Variants in COMMD1 observed in about 807,000 individuals in gnomAD.
COMMD1 encodes the protein copper metabolism domain containing 1.
A neutral mutation model predicts 17.2 loss-of-function variants in COMMD1; 10 were observed. That is an observed-to-expected ratio of 0.58 (90% CI 0.36 to 0.99). COMMD1 has a LOEUF of 0.99. Among genes scored for constraint, COMMD1 ranks in the 50% least tolerant of loss-of-function variants. The pLI, the probability that COMMD1 is intolerant of heterozygous loss-of-function variation, is 0.01. For missense variants in COMMD1, 270 were observed against 231.8 expected (o/e 1.17, Z -1.07); for synonymous variants, 97 against 91.6 (o/e 1.06, Z -0.34).
intron 2 of COMMD1, among the ~76,000 whole-genome samples, chr2:62,064,380 G>A (rs546601796): frequency 6.6e-6 from 1 of 152,106 alleles, no homozygotes; most frequent in East Asian, 1.9e-4. Flanking sequence ...CACCATTTTG[G>A]CCAGGCTGGT....
At chr2:61,975,930 T>A (rs942069294) in intron 1 of COMMD1, among the ~76,000 whole-genome samples, 1 of 152,170 alleles carries the variant, frequency 6.6e-6, no homozygotes, top group Admixed American at 6.5e-5. Context: ...TTGAGAAGAA[T>A]GCATCTTCTG....
chr2:62,085,811 C>G (rs1671649193), intron 2 of COMMD1, among the ~76,000 whole-genome samples: 1 of 151,150 alleles, frequency 6.6e-6, no homozygotes. Context: ...AACCCCGTCT[C>G]TACTAAAAAA....
intron 1 of COMMD1, among the ~76,000 whole-genome samples, chr2:61,944,325 ATC>A (rs1670848101): frequency 1.3e-5 from 2 of 152,050 alleles, no homozygotes; most frequent in South Asian, 4.2e-4. Flanking sequence ...GGTGGCACAC[ATC>A]TGTAGTCCCA....
chr2:62,055,802 C>T (rs963178878), intron 2 of COMMD1, among the ~76,000 whole-genome samples: 3 of 152,172 alleles, frequency 2.0e-5, no homozygotes, highest in Non-Finnish European at 2.9e-5. Flanking sequence ...TCTCAGCTAG[C>T]ACCATAAGTA....
chr2:62,122,448 T>TC (rs1335586507), intron 2 of COMMD1, among the ~76,000 whole-genome samples: 2 of 151,264 alleles, frequency 1.3e-5, no homozygotes, highest in African/African-American at 2.4e-5. Flanking sequence ...TCTTTTCTTT[T>TC]TTTTTTTTTT....
At chr2:62,052,516 C>T (rs899623981) in intron 2 of COMMD1, among the ~76,000 whole-genome samples, 5 of 152,064 alleles carry the variant, frequency 3.3e-5, no homozygotes, top group Non-Finnish European at 7.4e-5. Flanking sequence ...ATATCCACAT[C>T]ACACATCAGG....
intron 1 of COMMD1, among the ~76,000 whole-genome samples, chr2:61,945,715 A>G (rs1202490521): frequency 6.6e-6 from 1 of 152,208 alleles, no homozygotes; most frequent in East Asian, 1.9e-4. Context: ...ATCAATCAAT[A>G]TATGTAAGAT....
chr2:61,912,038 C>G (rs980915710), intron 1 of COMMD1, among the ~76,000 whole-genome samples: 2 of 152,174 alleles, frequency 1.3e-5, no homozygotes, highest in Non-Finnish European at 2.9e-5. Context: ...TATAAAGACC[C>G]TCATTCTTCC....
intron 2 of COMMD1, among the ~76,000 whole-genome samples, chr2:62,073,513 G>T (rs1441764117): frequency 6.6e-6 from 1 of 152,138 alleles, no homozygotes; most frequent in African/African-American, 2.4e-5. Context: ...CCCATGACTT[G>T]TAAGCCCTTA....
intron 2 of COMMD1, among the ~76,000 whole-genome samples, chr2:62,021,753 C>T (rs1378016574): frequency 6.6e-6 from 1 of 152,144 alleles, no homozygotes; most frequent in Non-Finnish European, 1.5e-5. Flanking sequence ...TATAACTTTG[C>T]CCTGTATAAC....
intron 2 of COMMD1, among the ~76,000 whole-genome samples, chr2:62,128,390 A>C (rs959276518): frequency 1.3e-5 from 2 of 152,108 alleles, no homozygotes; most frequent in Non-Finnish European, 2.9e-5. Flanking sequence ...TGTAAAACCC[A>C]AAACTGTAAA....
intron 2 of COMMD1, among the ~76,000 whole-genome samples, chr2:62,095,872 T>C (rs1216046249): frequency 2.9e-5 from 4 of 139,436 alleles, no homozygotes; most frequent in Non-Finnish European, 6.2e-5. Context: ...TGTGTGTATA[T>C]ATACACATAC....
At chr2:62,006,259 A>T (rs1165913429) in intron 2 of COMMD1, among the ~76,000 whole-genome samples, 1 of 150,836 alleles carries the variant, frequency 6.6e-6, no homozygotes. Context: ...TGACAAGATA[A>T]TGGGTGCAGC....
chr2:61,904,120 C>T (rs1056948429), upstream of COMMD1, among the ~76,000 whole-genome samples: 5 of 152,110 alleles, frequency 3.3e-5, no homozygotes, highest in Non-Finnish European at 7.4e-5. Context: ...ATGCCATTCT[C>T]CTGCCCCAGC....
chr2:61,918,249 TATAA>T (rs1670098424), intron 1 of COMMD1, among the ~76,000 whole-genome samples: 1 of 152,374 alleles, frequency 6.6e-6, no homozygotes, highest in Middle Eastern at 3.4e-3. Flanking sequence ...TTTAAAGTTC[TATAA>T]ATATATTCCT....
chr2:61,972,267 T>C (rs1671669879), intron 1 of COMMD1, among the ~76,000 whole-genome samples: 1 of 152,168 alleles, frequency 6.6e-6, no homozygotes, highest in Non-Finnish European at 1.5e-5. Flanking sequence ...ATAAAAATGA[T>C]CTCTAATTAT....
At chr2:61,947,891 T>C (rs1025574611) in intron 1 of COMMD1, among the ~76,000 whole-genome samples, 1 of 151,804 alleles carries the variant, frequency 6.6e-6, no homozygotes, top group African/African-American at 2.4e-5. Flanking sequence ...ATTGTTGAAA[T>C]AGTTTGTCAG....
At chr2:61,939,423 G>A (rs905229712) in intron 1 of COMMD1, among the ~76,000 whole-genome samples, 2 of 151,134 alleles carry the variant, frequency 1.3e-5, no homozygotes, top group African/African-American at 2.4e-5. Flanking sequence ...CCGAGATTGC[G>A]CCACTGCACT....
chr2:62,090,738 T>G (rs1452849414), intron 2 of COMMD1: 1 of 152,214 alleles, frequency 6.6e-6, no homozygotes, highest in Non-Finnish European at 1.5e-5. Flanking sequence ...AGGCCAAGTT[T>G]GAGAAGAATC....
Sources: allele counts gnomAD v4.1 joint callset (sites outside exome capture counted in the v4.1 genomes callset), GRCh38; gene constraint gnomAD v4.1.1; transcripts MANE v1.5; gene names NCBI Gene and HGNC (gene_info 2026-07-23, HGNC 2026-07-21).